The following RERE variants were observed in gnomAD, a reference collection of about 807,000 sequenced individuals.
The protein encoded by RERE is arginine-glutamic acid dipeptide repeats.
RERE carries 40 observed loss-of-function variants against 146.1 expected under a neutral mutation model. The observed-to-expected ratio is 0.27, with a 90% confidence interval of 0.21 to 0.36. RERE has a LOEUF of 0.36. RERE is among the 10% of genes least tolerant of loss of function. The probability of loss-of-function intolerance (pLI) is 1.00; values close to 1 mark genes in which losing one functional copy is unlikely to be tolerated. For synonymous variants in RERE, 1,003 were observed against 866.0 expected (o/e 1.16, Z -2.78); for missense variants, 1,933 against 2,138.7 (o/e 0.90, Z 1.90).
rs180797977 is a variant in RERE, at chr1:8,731,292, G to A, written c.-144-74851C>T. 3.9e-4 allele frequency among the ~76,000 whole-genome samples: 60 copies of A among 152,188 alleles called. 1 individual carries two copies. Among genetic ancestry groups the A allele is most frequent in the African/African-American group, 1.3e-3 (56 of 41,524 alleles). On this transcript the variant is annotated intron_variant, in intron 1 of 22. Coordinates refer to ENST00000400908, the MANE Select transcript of RERE (RefSeq NM_001042681.2). ...GAACATCAAAGAAAAAAATCCCCTC[G>A]TATTTTAGGCAGGGAGAGGGGAAAG... is the stretch of plus-strand genomic sequence containing the variant.
At chr1:8,371,230 C>T (rs769078294) in intron 12 of RERE, among the ~76,000 whole-genome samples, 4 of 152,106 alleles carry the variant, frequency 2.6e-5, no homozygotes, top group East Asian at 1.9e-4. Context: ...TTTCTTTTGG[C>T]GGTGGGGGGG....
intron 4 of RERE, among the ~76,000 whole-genome samples, chr1:8,599,212 G>A (rs113218701): frequency 6.6e-6 from 1 of 152,156 alleles, no homozygotes; most frequent in African/African-American, 2.4e-5. Flanking sequence ...CACGAGATGG[G>A]CTGTTTTTCT....
At chr1:8,498,057 A>G (rs1284416022) in intron 8 of RERE, among the ~76,000 whole-genome samples, 1 of 152,236 alleles carries the variant, frequency 6.6e-6, no homozygotes, top group Non-Finnish European at 1.5e-5. Context: ...AGTATTAAGT[A>G]AACATTAAAA....
At position 8,364,867 on chromosome 1, in the gene RERE, G is replaced by T. The variant is rs774418983; in HGVS notation, c.1448-29C>A. On this transcript the variant is annotated intron_variant, in intron 13 of 22. Transcript: ENST00000400908. The surrounding 1 kb of genome is among the most constrained non-coding windows in gnomAD (Gnocchi z 5.1). ...GGCGTGGCAGGCACATAGTGGGGGTGGGGGAGACACCATCATGCTCAGCCA... is the reference window on the plus strand; with the variant it reads ...GGCGTGGCAGGCACATAGTGGGGGTTGGGGAGACACCATCATGCTCAGCCA... 15 of 1,502,192 alleles carry T rather than the reference G, an allele frequency of 1.0e-5. No homozygotes were observed. The African/African-American group carries it at 1.8e-4, about 18-fold the overall frequency. 93.1% of individuals were successfully genotyped at this position (1,502,192 alleles called of 1,614,324 possible).
intron 1 of RERE, among the ~76,000 whole-genome samples, chr1:8,754,684 C>T (rs1210434967): frequency 6.6e-6 from 1 of 152,224 alleles, no homozygotes; most frequent in East Asian, 1.9e-4. Flanking sequence ...AAGTAGAAGT[C>T]AAGTAAAAGT....
intron 1 of RERE, among the ~76,000 whole-genome samples, chr1:8,771,535 A>C (rs1216851007): frequency 6.6e-6 from 1 of 151,460 alleles, no homozygotes; most frequent in Non-Finnish European, 1.5e-5. Context: ...AAAAAAAAAA[A>C]AAACTATTAG....
intron 10 of RERE, among the ~76,000 whole-genome samples, chr1:8,481,180 G>A (rs371776677): frequency 3.3e-5 from 5 of 152,102 alleles, no homozygotes; most frequent in East Asian, 3.9e-4. Flanking sequence ...GCAGTGGCGC[G>A]ATCTCGGCTC....
At chr1:8,460,128 AT>A in intron 11 of RERE, among the ~76,000 whole-genome samples, 1 of 152,152 alleles carries the variant, frequency 6.6e-6, no homozygotes, top group East Asian at 1.9e-4. Context: ...TGTGAATTCC[AT>A]TTTCCTCAGC....
chr1:8,631,448 G>T (rs1252677550), intron 2 of RERE, among the ~76,000 whole-genome samples: 1 of 152,142 alleles, frequency 6.6e-6, no homozygotes, highest in Non-Finnish European at 1.5e-5. Flanking sequence ...TGGACTAACT[G>T]CTGCAGCATG....
intron 12 of RERE, among the ~76,000 whole-genome samples, chr1:8,367,080 T>A (rs896083604): frequency 1.1e-4 from 17 of 152,206 alleles, no homozygotes; most frequent in Admixed American, 9.2e-4. Context: ...CCTCACTTTG[T>A]CTCATCAAAC....
chr1:8,454,803 TCAAACAAA>T (rs546867618), intron 11 of RERE, among the ~76,000 whole-genome samples: 111 of 151,384 alleles, frequency 7.3e-4, no homozygotes, highest in Admixed American at 4.5e-3. Context: ...AGACTCTGTT[TCAAACAAA>T]CAAACAAACA....
At position 8,743,035 on chromosome 1, in the gene RERE, T is replaced by G. The variant is rs368794812; in HGVS notation, c.-145+74125A>C. 1.4e-3 allele frequency among the ~76,000 whole-genome samples: 214 copies of G among 152,220 alleles called. 5 individuals are homozygous for G. In the South Asian group the frequency reaches 0.044, roughly 31 times the overall value. Reference sequence around the variant, plus strand: ...ATCCTCGAGACATATTGTGGACAACTGTATTATAGAATTTAAAAGTGTGTG... The same window carrying G: ...ATCCTCGAGACATATTGTGGACAACGGTATTATAGAATTTAAAAGTGTGTG... On this transcript the variant is annotated intron_variant, in intron 1 of 22. Coordinates refer to ENST00000400908, the MANE Select transcript of RERE (RefSeq NM_001042681.2).
chr1:8,657,797 A>G (rs185990040), intron 1 of RERE, among the ~76,000 whole-genome samples: 133 of 152,112 alleles, frequency 8.7e-4, no homozygotes, highest in African/African-American at 3.1e-3. Flanking sequence ...CAGTGAGCCG[A>G]GATCACACCA....
intron 1 of RERE, among the ~76,000 whole-genome samples, chr1:8,747,414 G>T (rs1225584546): frequency 2.6e-5 from 4 of 152,086 alleles, no homozygotes; most frequent in African/African-American, 9.7e-5. Context: ...TTAAGAACCT[G>T]CTAGGGTAAC....
At chr1:8,509,399 GCCATCCATCCATCCATCCATCCAT>G (rs755830199) in intron 7 of RERE, among the ~76,000 whole-genome samples, 10 of 137,220 alleles carry the variant, frequency 7.3e-5, no homozygotes, top group Admixed American at 2.3e-4. Flanking sequence ...CATATACTGA[GCCATCCATCCATCCATCCATCCAT>G]CCATCCATCC....
intron 12 of RERE, among the ~76,000 whole-genome samples, chr1:8,412,351 A>C (rs992245603): frequency 6.6e-6 from 1 of 152,228 alleles, no homozygotes; most frequent in African/African-American, 2.4e-5. Flanking sequence ...ACTGTTTTCA[A>C]GATAATAAAA....
At chr1:8,557,565 G>A in intron 4 of RERE, 42 bp from the exon 5 acceptor site, 1 of 1,300,340 alleles carries the variant, frequency 7.7e-7, no homozygotes, top group Non-Finnish European at 1.1e-6. Flanking sequence ...AGGATTTCAG[G>A]TGGCCACAAG....
Position 8,700,295 on chromosome 1 carries a change from A to C in RERE, c.-144-43854T>G, listed in dbSNP as rs987716215. ...ACTCCAGCCTGGGTGACAGAGTGAG[A>C]CTCCAACTCAAAAAAAATAAAAATA... On this transcript the variant is annotated intron_variant, in intron 1 of 22. Transcript: ENST00000400908. 1.3e-4 allele frequency among the ~76,000 whole-genome samples: 20 copies of C among 151,982 alleles called. 1 individual carries two copies. The highest frequency in any genetic ancestry group is 1.5e-5 in the Non-Finnish European group (1 of 67,994).
At chr1:8,512,955 C>A (rs1169775495) in intron 7 of RERE, 1 of 152,330 alleles carries the variant, frequency 6.6e-6, no homozygotes, top group African/African-American at 2.4e-5. Context: ...AGATCGGCGA[C>A]TACCAGACCA....
Sources: allele counts gnomAD v4.1 joint callset (sites outside exome capture counted in the v4.1 genomes callset), GRCh38; gene constraint gnomAD v4.1.1; non-coding constraint Gnocchi (gnomAD v3.1); transcripts MANE v1.5; gene names NCBI Gene and HGNC (gene_info 2026-07-23, HGNC 2026-07-21).